CDKAL1: variants seen among roughly 807,000 people sequenced by gnomAD.
CDKAL1 encodes the protein threonylcarbamoyladenosine tRNA methylthiotransferase.
A neutral mutation model predicts 68.2 loss-of-function variants in CDKAL1; 32 were observed. The ratio of observed to expected loss-of-function variants is 0.47; its 90% CI spans 0.35 to 0.63. The LOEUF is 0.63. CDKAL1 is among the 30% of genes least tolerant of loss of function. The pLI, the probability that CDKAL1 is intolerant of heterozygous loss-of-function variation, is 0.00. For synonymous variants in CDKAL1, 234 were observed against 244.3 expected, an observed-to-expected ratio of 0.96 and a Z score of 0.39; for missense variants, 606 against 696.7, an observed-to-expected ratio of 0.87 and a Z score of 1.47.
At chr6:20,660,735 C>G (rs1769247358) in intron 5 of CDKAL1, among the ~76,000 whole-genome samples, 1 of 152,112 alleles carries the variant, frequency 6.6e-6, no homozygotes, top group Admixed American at 6.5e-5. Flanking sequence ...TATAATTACT[C>G]AATACATGTT....
intron 5 of CDKAL1, among the ~76,000 whole-genome samples, chr6:20,738,479 T>C (rs1398297056): frequency 6.7e-6 from 1 of 149,062 alleles, no homozygotes; most frequent in African/African-American, 2.5e-5. Context: ...GCATTTCTAC[T>C]TCTTAGTTTT....
intron 13 of CDKAL1, among the ~76,000 whole-genome samples, chr6:21,153,592 C>T (rs999768524): frequency 2.6e-5 from 4 of 152,062 alleles, no homozygotes; most frequent in Non-Finnish European, 5.9e-5. Context: ...TCTTGATAAA[C>T]AGTTCAATGG....
intron 8 of CDKAL1, among the ~76,000 whole-genome samples, chr6:20,842,367 A>G (rs1423406046): frequency 1.3e-5 from 2 of 152,216 alleles, no homozygotes; most frequent in Non-Finnish European, 2.9e-5. Flanking sequence ...CTTGTACCCT[A>G]TAAATATATA....
chr6:20,975,298 T>C lies in CDKAL1; in HGVS notation c.909+19713T>C, dbSNP rs144528714. On this transcript the variant is annotated intron_variant, in intron 10 of 15. Coordinates refer to ENST00000274695, the MANE Select transcript of CDKAL1 (RefSeq NM_017774.3). ...CTCAGATTCAGTTTATGTTCCAAAT[T>C]GCCTAATTTCACATCTAGACTGTGC... 2.1e-3 allele frequency among the ~76,000 whole-genome samples: 313 copies of C among 152,342 alleles called. 3 individuals carry two copies. Among genetic ancestry groups the C allele is most frequent in the African/African-American group, 7.1e-3 (294 of 41,584 alleles).
chr6:20,744,272 A>T (rs944675196), intron 6 of CDKAL1, among the ~76,000 whole-genome samples: 1 of 152,162 alleles, frequency 6.6e-6, no homozygotes, highest in Non-Finnish European at 1.5e-5. Context: ...AGAACATAGG[A>T]TGTTCTCTTA....
intron 9 of CDKAL1, among the ~76,000 whole-genome samples, chr6:20,888,358 CT>C (rs59055712): frequency 0.69 from 99,931 of 143,990 alleles, 34,913 homozygotes; most frequent in East Asian, 0.81. Context: ...GCCACATCTT[CT>C]TTTTTTTTTT....
At chr6:21,198,134 T>A in intron 14 of CDKAL1, 30 bp downstream of exon 14, 1 of 1,433,398 alleles carries the variant, frequency 7.0e-7, no homozygotes, top group Non-Finnish European at 9.6e-7. Context: ...TCTTGAGTTT[T>A]CTCCAAAGTG....
intron 13 of CDKAL1, among the ~76,000 whole-genome samples, chr6:21,177,398 G>C (rs1294678441): frequency 3.3e-5 from 5 of 152,068 alleles, no homozygotes; most frequent in African/African-American, 1.2e-4. Context: ...GAATGTATCT[G>C]TTATCAAATA....
At position 21,153,987 on chromosome 6, in the gene CDKAL1, T is replaced by C. The variant is rs111446277; in HGVS notation, c.1300-44034T>C. On this transcript the variant is annotated intron_variant, in intron 13 of 15. Transcript: ENST00000274695. ...GACTCCAGATGACATCTGGGTCTCA[T>C]AGATATTCATGCCTGCCTTTAATTC... 5.9e-3 allele frequency among the ~76,000 whole-genome samples: 904 copies of C among 152,186 alleles called. 11 individuals are homozygous for C. Among genetic ancestry groups the C allele is most frequent in the African/African-American group, 0.02 (826 of 41,506 alleles).
chr6:21,078,231 C>T (rs1309211061), intron 12 of CDKAL1, among the ~76,000 whole-genome samples: 1 of 152,154 alleles, frequency 6.6e-6, no homozygotes, highest in Admixed American at 6.5e-5. Context: ...AGAACATTGT[C>T]TGGCTTTTCG....
intron 9 of CDKAL1, among the ~76,000 whole-genome samples, chr6:20,856,619 G>T: frequency 6.6e-6 from 1 of 152,200 alleles, no homozygotes; most frequent in East Asian, 1.9e-4. Context: ...ATATATATTT[G>T]CTTTGATACC....
At chr6:20,581,068 C>T (rs541068548) in intron 4 of CDKAL1, among the ~76,000 whole-genome samples, 51 of 152,230 alleles carry the variant, frequency 3.4e-4, no homozygotes, top group African/African-American at 1.0e-3. Context: ...GGATAACAGG[C>T]GTGATACTTT....
At chr6:20,812,425 G>A (rs1425230734) in intron 8 of CDKAL1, among the ~76,000 whole-genome samples, 1 of 152,152 alleles carries the variant, frequency 6.6e-6, no homozygotes. Context: ...TCTTTCTAGA[G>A]CGTTATTTGA....
At chr6:20,715,617 T>C (rs187328170) in intron 5 of CDKAL1, among the ~76,000 whole-genome samples, 11 of 152,230 alleles carry the variant, frequency 7.2e-5, no homozygotes, top group Non-Finnish European at 1.5e-4. Context: ...TTTTAATTTC[T>C]GTGGGCACCT....
At chr6:21,023,335 C>G (rs1768783604) in intron 11 of CDKAL1, among the ~76,000 whole-genome samples, 1 of 152,090 alleles carries the variant, frequency 6.6e-6, no homozygotes, top group Non-Finnish European at 1.5e-5. Flanking sequence ...TGATGAGGTA[C>G]TCTGAAGGTC....
intron 13 of CDKAL1, among the ~76,000 whole-genome samples, chr6:21,180,494 TG>T (rs752322034): frequency 1.9e-4 from 29 of 152,188 alleles, no homozygotes; most frequent in Non-Finnish European, 3.5e-4. Context: ...AGAAGTTAGC[TG>T]TCTGGTCCCA....
At chr6:20,577,936 CA>C (rs953470439) in intron 4 of CDKAL1, among the ~76,000 whole-genome samples, 11 of 152,188 alleles carry the variant, frequency 7.2e-5, no homozygotes, top group African/African-American at 2.6e-4. Flanking sequence ...CTCAGAGAGA[CA>C]ATAGGAGATG....
intron 2 of CDKAL1, among the ~76,000 whole-genome samples, chr6:20,543,931 T>A (rs1452770113): frequency 6.6e-6 from 1 of 151,934 alleles, no homozygotes; most frequent in Non-Finnish European, 1.5e-5. Context: ...AGAGACGCGG[T>A]GTCACCATGT....
At chr6:21,214,289 C>T (rs1779265184) in intron 15 of CDKAL1, among the ~76,000 whole-genome samples, 1 of 151,728 alleles carries the variant, frequency 6.6e-6, no homozygotes, top group Non-Finnish European at 1.5e-5. Flanking sequence ...AAATTGTGTA[C>T]TTCAAAATTG....
Sources: allele counts gnomAD v4.1 joint callset (sites outside exome capture counted in the v4.1 genomes callset), GRCh38; gene constraint gnomAD v4.1.1; transcripts MANE v1.5; gene names NCBI Gene and HGNC (gene_info 2026-07-23, HGNC 2026-07-21).